Variants in RABEP1 observed in about 807,000 individuals in gnomAD.
The protein encoded by RABEP1 is rabaptin, RAB GTPase binding effector protein 1, also known as rab GTPase-binding effector protein 1.
A neutral mutation model predicts 123.4 loss-of-function variants in RABEP1; 51 were observed. The ratio of observed to expected loss-of-function variants is 0.41; its 90% CI spans 0.33 to 0.52. The LOEUF (loss-of-function observed/expected upper bound fraction) is 0.52, where lower values mean the gene tolerates loss of function less well. Ranked by LOEUF, RABEP1 falls within the 20% of genes least tolerant of loss-of-function variation. The probability of loss-of-function intolerance (pLI) is 0.16; values close to 1 mark genes in which losing one functional copy is unlikely to be tolerated. For missense variants in RABEP1, 888 were observed against 996.3 expected (o/e 0.89, Z 1.46); for synonymous variants, 347 against 355.2 (o/e 0.98, Z 0.26).
At chr17:5,340,611 T>C (rs957889825) in intron 5 of RABEP1, among the ~76,000 whole-genome samples, 10 of 149,526 alleles carry the variant, frequency 6.7e-5, no homozygotes, top group African/African-American at 2.2e-4. Flanking sequence ...ACAAAATATT[T>C]AGAATGATGT....
chr17:5,326,321 A>G (rs533840265), intron 2 of RABEP1, among the ~76,000 whole-genome samples: 1 of 152,340 alleles, frequency 6.6e-6, no homozygotes, highest in East Asian at 1.9e-4. Context: ...AAAAGGAATG[A>G]GCTATTAAGT....
Position 5,384,525 on chromosome 17 carries a change from A to G in RABEP1, c.*1302A>G. 4.6e-6 allele frequency: 1 copy of G among 215,554 alleles called. No individual in the cohort carries two copies. 13.4% of individuals were successfully genotyped at this position (215,554 alleles called of 1,614,324 possible). On this transcript the variant is annotated 3_prime_UTR_variant, in exon 18 of 18. Transcript: ENST00000537505. ...CCTTCTGGGAGTTAGTGAACTAGGT[A>G]GATTGTTTTGTTCACATAACGCCAC...
intron 1 of RABEP1, among the ~76,000 whole-genome samples, chr17:5,306,349 C>T (rs903017462): frequency 1.5e-4 from 23 of 152,102 alleles, no homozygotes; most frequent in Admixed American, 1.2e-3. Flanking sequence ...CATGGTAGGC[C>T]GGGCACGGTG....
intron 1 of RABEP1, among the ~76,000 whole-genome samples, chr17:5,298,217 T>G (rs1466677957): frequency 6.6e-6 from 1 of 152,236 alleles, no homozygotes; most frequent in Admixed American, 6.5e-5. Context: ...CTGTAGAGTT[T>G]ATAGCTAATG....
In RABEP1 at chr17:5,386,100, G is replaced by C; in HGVS notation, c.*2877G>C. The C allele has an allele frequency of 1.3e-6, 1 of 760,418 alleles. No individual in the cohort carries two copies. The highest frequency in any genetic ancestry group is 2.2e-6 in the Non-Finnish European group (1 of 462,504). 47.1% of individuals were successfully genotyped at this position (760,418 alleles called of 1,614,324 possible). ...TTTAAAAAGATGAACCACACCAAAGGTCATCAAAACACCTTTTTATAAATT... is the reference window on the plus strand; with the variant it reads ...TTTAAAAAGATGAACCACACCAAAGCTCATCAAAACACCTTTTTATAAATT... On this transcript the variant is annotated 3_prime_UTR_variant, in exon 18 of 18. Coordinates refer to ENST00000537505, the MANE Select transcript of RABEP1 (RefSeq NM_004703.6).
At chr17:5,335,009 A>G (rs1906928161) in intron 3 of RABEP1, among the ~76,000 whole-genome samples, 175 bp from the exon 4 acceptor site, 2 of 152,202 alleles carry the variant, frequency 1.3e-5, no homozygotes, top group South Asian at 4.1e-4. Context: ...GATGATTTAA[A>G]GCCCTTATTT....
At chr17:5,381,641 G>C in intron 17 of RABEP1, 136 bp downstream of exon 17, 1 of 1,394,408 alleles carries the variant, frequency 7.2e-7, no homozygotes, top group Non-Finnish European at 9.4e-7. Flanking sequence ...CCAAATGTCT[G>C]ACTCATCATT....
intron 10 of RABEP1, among the ~76,000 whole-genome samples, chr17:5,364,844 ACT>A (rs1359751817): frequency 6.6e-6 from 1 of 152,100 alleles, no homozygotes; most frequent in Non-Finnish European, 1.5e-5. Flanking sequence ...CAGAGGATAC[ACT>A]CTAGTTAGGG....
At chr17:5,305,480 G>A (rs2075171872) in intron 1 of RABEP1, among the ~76,000 whole-genome samples, 1 of 152,062 alleles carries the variant, frequency 6.6e-6, no homozygotes, top group Non-Finnish European at 1.5e-5. Flanking sequence ...TTTTTGTTTT[G>A]TTGATTCATT....
intron 5 of RABEP1, among the ~76,000 whole-genome samples, chr17:5,343,633 C>T (rs1295503744): frequency 6.7e-6 from 1 of 149,266 alleles, no homozygotes; most frequent in African/African-American, 2.5e-5. Flanking sequence ...CTCTCTCCAC[C>T]TTGTTGTCTT....
At chr17:5,366,990 G>A (rs1910053146) in intron 11 of RABEP1, among the ~76,000 whole-genome samples, 1 of 151,364 alleles carries the variant, frequency 6.6e-6, no homozygotes, top group Non-Finnish European at 1.5e-5. Flanking sequence ...TTGGGAGGCT[G>A]AGGCAGGAGA....
intron 2 of RABEP1, among the ~76,000 whole-genome samples, chr17:5,310,614 C>T (rs546531886): frequency 6.6e-6 from 1 of 151,866 alleles, no homozygotes; most frequent in Non-Finnish European, 1.5e-5. Context: ...GGCCAACTTC[C>T]TGCTTTTAAA....
intron 4 of RABEP1, among the ~76,000 whole-genome samples, chr17:5,336,868 C>T (rs1907139385): frequency 6.6e-6 from 1 of 152,074 alleles, no homozygotes; most frequent in Non-Finnish European, 1.5e-5. Flanking sequence ...GAATCTGAAC[C>T]TGTTTTTTGA....
At chr17:5,375,311 C>G (rs1910902667) in intron 13 of RABEP1, among the ~76,000 whole-genome samples, 1 of 152,066 alleles carries the variant, frequency 6.6e-6, no homozygotes, top group African/African-American at 2.4e-5. Flanking sequence ...CCACCTTTCC[C>G]CAACTTCTTA....
At chr17:5,306,626 TG>T (rs1422101621) in intron 1 of RABEP1, among the ~76,000 whole-genome samples, 1 of 111,046 alleles carries the variant, frequency 9.0e-6, no homozygotes, top group Non-Finnish European at 1.7e-5. Context: ...AGACTCTGTC[TG>T]AAAAAAAAAA....
At chr17:5,367,913 C>T (rs146427497) in intron 11 of RABEP1, among the ~76,000 whole-genome samples, 1 of 151,034 alleles carries the variant, frequency 6.6e-6, no homozygotes, top group African/African-American at 2.4e-5. Flanking sequence ...CGCCACCACA[C>T]CCAGCTAATT....
intron 2 of RABEP1, among the ~76,000 whole-genome samples, chr17:5,321,127 A>G (rs926356979): frequency 2.6e-5 from 4 of 152,036 alleles, no homozygotes. Flanking sequence ...CTGGGCAGCA[A>G]AGTGAGACCC....
chr17:5,381,149 G>A (rs1256224842), intron 16 of RABEP1, among the ~76,000 whole-genome samples: 1 of 152,098 alleles, frequency 6.6e-6, no homozygotes, highest in South Asian at 2.1e-4. Context: ...GTGGGGGAGG[G>A]CAGCACTTTA....
intron 5 of RABEP1, among the ~76,000 whole-genome samples, chr17:5,339,158 A>G (rs984079359): frequency 6.6e-6 from 1 of 152,140 alleles, no homozygotes; most frequent in Non-Finnish European, 1.5e-5. Flanking sequence ...ACCCAAAGAA[A>G]AAAAGGAAGA....
Sources: allele counts gnomAD v4.1 joint callset (sites outside exome capture counted in the v4.1 genomes callset), GRCh38; gene constraint gnomAD v4.1.1; transcripts MANE v1.5; gene names NCBI Gene and HGNC (gene_info 2026-07-23, HGNC 2026-07-21).